The following ANAPC1 variants were observed in gnomAD, a reference collection of about 807,000 sequenced individuals.
The protein encoded by ANAPC1 is anaphase promoting complex subunit 1, also known as anaphase-promoting complex subunit 1.
In ANAPC1, 36 loss-of-function variants were observed where a neutral mutation model predicts 208.0. The observed-to-expected ratio is 0.17, with a 90% CI of 0.13 to 0.23. The LOEUF is 0.23. Among genes scored for constraint, ANAPC1 ranks in the 10% least tolerant of loss-of-function variants. The probability of loss-of-function intolerance (pLI) is 1.00; values close to 1 mark genes in which losing one functional copy is unlikely to be tolerated. For synonymous variants in ANAPC1, 378 were observed against 695.2 expected, an observed-to-expected ratio of 0.54 and a Z score of 7.18; for missense variants, 942 against 2,011.6, an observed-to-expected ratio of 0.47 and a Z score of 10.17.
chr2:111,809,494 TTA>T (rs1678862661), intron 28 of ANAPC1, among the ~76,000 whole-genome samples: 1 of 100,670 alleles, frequency 9.9e-6, no homozygotes, highest in Admixed American at 1.2e-4. Flanking sequence ...TCTCTAAAGA[TTA>T]TACAAAGAAA....
chr2:111,825,631 G>C (rs1679791656), intron 22 of ANAPC1, 146 bp downstream of exon 22: 1 of 728,114 alleles, frequency 1.4e-6, no homozygotes, highest in African/African-American at 1.8e-5. Context: ...AATTAGTTGT[G>C]GACAAAAGAC....
At chr2:111,869,364 C>T (rs1682611585) in intron 6 of ANAPC1, among the ~76,000 whole-genome samples, 1 of 152,066 alleles carries the variant, frequency 6.6e-6, no homozygotes, top group East Asian at 1.9e-4. Context: ...CTGCCTCAGC[C>T]TCCCGAGTAG....
At chr2:111,790,996 G>A (rs968475373) in intron 38 of ANAPC1, among the ~76,000 whole-genome samples, 3 of 152,156 alleles carry the variant, frequency 2.0e-5, no homozygotes, top group Admixed American at 2.0e-4. Flanking sequence ...TTGGTTGCAC[G>A]GCAGTGTGAA....
intron 28 of ANAPC1, among the ~76,000 whole-genome samples, chr2:111,811,104 G>A (rs1678970745): frequency 6.6e-6 from 1 of 152,044 alleles, no homozygotes; most frequent in Non-Finnish European, 1.5e-5. Flanking sequence ...AAGGTATCTG[G>A]CCAAGGGTAC....
chr2:111,799,017 G>A (rs1678304699), intron 34 of ANAPC1, among the ~76,000 whole-genome samples: 4 of 150,558 alleles, frequency 2.7e-5, no homozygotes, highest in Admixed American at 6.6e-5. Flanking sequence ...CTGGGCGACA[G>A]AGCAAGACTC....
At chr2:111,769,679 C>CT (rs767767639) in intron 47 of ANAPC1, among the ~76,000 whole-genome samples, 3,225 of 83,218 alleles carry the variant, frequency 0.039, 253 homozygotes, top group African/African-American at 0.046. Context: ...TACTGGCTTT[C>CT]TTTTTTTTTT....
At chr2:111,861,416 C>A (rs540215126) in intron 10 of ANAPC1, among the ~76,000 whole-genome samples, 3 of 152,326 alleles carry the variant, frequency 2.0e-5, no homozygotes, top group African/African-American at 7.2e-5. Context: ...TCTGCAAAAA[C>A]CAGAGTGGAA....
At chr2:111,861,872 A>G (rs1285152087) in intron 10 of ANAPC1, among the ~76,000 whole-genome samples, 1 of 124,138 alleles carries the variant, frequency 8.1e-6, no homozygotes, top group Non-Finnish European at 1.8e-5. Flanking sequence ...TTATTACTAT[A>G]AAGGAAGAAA....
chr2:111,846,508 G>A (rs1352182106), intron 16 of ANAPC1, among the ~76,000 whole-genome samples: 1 of 136,796 alleles, frequency 7.3e-6, no homozygotes, highest in African/African-American at 2.7e-5. Context: ...GTTCTTGCAA[G>A]AGGCATGTCC....
At chr2:111,832,249 G>A (rs1004074527) in intron 20 of ANAPC1, among the ~76,000 whole-genome samples, 7 of 147,428 alleles carry the variant, frequency 4.7e-5, no homozygotes, top group Non-Finnish European at 8.9e-5. Context: ...GATGCAGTGA[G>A]CCAAGATCGT....
intron 3 of ANAPC1, among the ~76,000 whole-genome samples, chr2:111,877,770 C>T (rs1399470605): frequency 1.3e-5 from 2 of 152,032 alleles, no homozygotes; most frequent in Non-Finnish European, 2.9e-5. Context: ...GGTGACAGAG[C>T]AAGACTCCAT....
At chr2:111,801,679 A>C (rs1218217367) in intron 33 of ANAPC1, among the ~76,000 whole-genome samples, 1 of 151,624 alleles carries the variant, frequency 6.6e-6, no homozygotes, top group Non-Finnish European at 1.5e-5. Flanking sequence ...GTTAAGTTAA[A>C]AATCCTAAGT....
intron 19 of ANAPC1, among the ~76,000 whole-genome samples, chr2:111,833,722 A>G (rs1208019078): frequency 6.7e-6 from 1 of 149,782 alleles, no homozygotes; most frequent in Non-Finnish European, 1.5e-5. Flanking sequence ...CATCATACAC[A>G]TTACTTTTTT....
intron 43 of ANAPC1, chr2:111,780,666 CACTG>C (rs1232683741): frequency 6.5e-5 from 15 of 231,476 alleles, no homozygotes; most frequent in African/African-American, 1.2e-4. Context: ...TTCCCTCCTT[CACTG>C]ACTAATTAAA....
intron 17 of ANAPC1, among the ~76,000 whole-genome samples, chr2:111,840,004 C>A (rs1448920208): frequency 1.3e-5 from 2 of 152,114 alleles, no homozygotes; most frequent in African/African-American, 4.8e-5. Flanking sequence ...ACAGTCAATT[C>A]CAGAGGAACA....
At chr2:111,866,164 A>G (rs1292546834) in intron 7 of ANAPC1, 3 of 240,008 alleles carry the variant, frequency 1.2e-5, no homozygotes, top group Non-Finnish European at 2.4e-5. Flanking sequence ...AGATCCCGCC[A>G]CTGCACTCCA....
Position 111,856,935 on chromosome 2 carries a change from G to A in ANAPC1, c.1359-49C>T, listed in dbSNP as rs755396098. 419 of 1,425,972 alleles carry A rather than the reference G, an allele frequency of 2.9e-4. 2 individuals are homozygous for A. Among genetic ancestry groups the A allele is most frequent in the Middle Eastern group, 1.5e-3 (6 of 4,082 alleles). The allele number at this position is 1,425,972 out of a possible 1,614,324, so 88.3% of individuals were successfully genotyped here. Reference sequence around the variant, plus strand: ...ACTTGATACATGCAACAACCTGTATGGGTATTAAAAGTATTATACTGAACA... The same window carrying A: ...ACTTGATACATGCAACAACCTGTATAGGTATTAAAAGTATTATACTGAACA... On this transcript the variant is annotated intron_variant, in intron 11 of 47. Coordinates refer to ENST00000341068, the MANE Select transcript of ANAPC1 (RefSeq NM_022662.4).
intron 7 of ANAPC1, among the ~76,000 whole-genome samples, chr2:111,865,368 G>A (rs1682346078): frequency 6.6e-6 from 1 of 152,020 alleles, no homozygotes; most frequent in Admixed American, 6.6e-5. Flanking sequence ...TTACTATTCA[G>A]ACAGTGCCGA....
intron 3 of ANAPC1, among the ~76,000 whole-genome samples, chr2:111,875,519 C>G (rs1471852917): frequency 1.3e-5 from 2 of 152,182 alleles, no homozygotes; most frequent in Non-Finnish European, 2.9e-5. Flanking sequence ...ATCACCCCTT[C>G]TTTGCCAAGG....
Sources: gnomAD v4.1 joint callset for allele counts (sites outside exome capture counted in the v4.1 genomes callset) on GRCh38, gnomAD v4.1.1 for gene constraint, MANE v1.5 for transcripts, NCBI Gene and HGNC (gene_info 2026-07-23, HGNC 2026-07-21) for gene names.